ASRGL1: variants seen among roughly 807,000 people sequenced by gnomAD.
ASRGL1 encodes the protein isoaspartyl peptidase/L-asparaginase.
In ASRGL1, 16 loss-of-function variants were observed where a neutral mutation model predicts 22.4. The observed-to-expected ratio is 0.71, with a 90% CI of 0.48 to 1.08. The LOEUF is 1.08. Among genes scored for constraint, ASRGL1 ranks in the 50% least tolerant of loss-of-function variants. The pLI is 0.00. For missense variants in ASRGL1, 412 were observed against 410.1 expected (o/e 1.00, Z -0.04); for synonymous variants, 165 against 159.3 (o/e 1.04, Z -0.27).
At chr11:62,394,004 A>G (rs1947396896), downstream of ASRGL1, among the ~76,000 whole-genome samples, 1 of 145,466 alleles carries the variant, frequency 6.9e-6, no homozygotes. Flanking sequence ...ATTAGATATA[A>G]TTTATATATT....
chr11:62,375,927 C>T (rs934865594), intron 4 of ASRGL1, among the ~76,000 whole-genome samples: 2 of 151,684 alleles, frequency 1.3e-5, no homozygotes, highest in Admixed American at 6.6e-5. Context: ...CATGGTGAAA[C>T]CCCGTCTCTA....
At chr11:62,372,257 C>A (rs1946793187) in intron 4 of ASRGL1, 3 of 1,585,472 alleles carry the variant, frequency 1.9e-6, no homozygotes, top group Non-Finnish European at 2.6e-6. Flanking sequence ...ACACCTTGGC[C>A]TTGACGGAAA....
chr11:62,372,987 G>T (rs967402766), intron 4 of ASRGL1: 1 of 1,419,042 alleles, frequency 7.0e-7, no homozygotes, highest in Non-Finnish European at 1.0e-6. Flanking sequence ...GACCTTTGGG[G>T]AACTGGGCTA....
intron 2 of ASRGL1, among the ~76,000 whole-genome samples, chr11:62,345,388 C>A (rs1945991522): frequency 6.6e-6 from 1 of 152,146 alleles, no homozygotes; most frequent in South Asian, 2.1e-4. Context: ...CCTGCCTCAG[C>A]CTCCCGAGTA....
chr11:62,346,672 C>CT (rs1327173524), intron 2 of ASRGL1, among the ~76,000 whole-genome samples: 1 of 152,096 alleles, frequency 6.6e-6, no homozygotes, highest in Non-Finnish European at 1.5e-5. Flanking sequence ...TTTTCCTACA[C>CT]TTAAGATAAC....
chr11:62,380,874 T>A (rs1257334588), intron 4 of ASRGL1, among the ~76,000 whole-genome samples: 1 of 152,162 alleles, frequency 6.6e-6, no homozygotes, highest in Non-Finnish European at 1.5e-5. Flanking sequence ...CCTCAATATC[T>A]CCTTGTTTCC....
At chr11:62,354,301 T>A (rs1370183257) in intron 2 of ASRGL1, among the ~76,000 whole-genome samples, 1 of 152,178 alleles carries the variant, frequency 6.6e-6, no homozygotes, top group Non-Finnish European at 1.5e-5. Flanking sequence ...GCTCCTAGTA[T>A]ACAGTAGCCC....
rs1303253371 is a variant in ASRGL1, at chr11:62,356,355, A to G, written c.221A>G (p.Glu74Gly). 6.2e-7 allele frequency: 1 copy of G among 1,614,154 alleles called. No individual in the cohort carries two copies. The highest frequency in any genetic ancestry group is 1.7e-5 in the Admixed American group (1 of 60,028). The change falls in exon 3 of 7, where the codon GAG becomes GGG. Residue 74 changes from glutamate to glycine, a missense_variant. Physicochemically the swap from Glu to Gly is moderately conservative, Grantham distance 98. Transcript: ENST00000415229. Reference protein sequence around the residue: ...GCGSVLNTNGEVEMDASIMDG... With the variant: ...GCGSVLNTNGGVEMDASIMDG... ...GGGTCTGTCTTGAACACAAATGGTGAGGTTGAAATGGATGCTAGTATCATG... is the reference window on the plus strand; with the variant it reads ...GGGTCTGTCTTGAACACAAATGGTGGGGTTGAAATGGATGCTAGTATCATG...
intron 3 of ASRGL1, 56 bp from the exon 4 acceptor site, chr11:62,356,931 A>G: frequency 2.6e-6 from 4 of 1,540,804 alleles, no homozygotes; most frequent in East Asian, 2.3e-5. Flanking sequence ...TGGAACAGTT[A>G]AAAAGATTTA....
chr11:62,349,772 A>G (rs1367151910), intron 2 of ASRGL1, among the ~76,000 whole-genome samples: 1 of 152,224 alleles, frequency 6.6e-6, no homozygotes, highest in Non-Finnish European at 1.5e-5. Flanking sequence ...TGGCTACTCC[A>G]TAGAGCAGCC....
chr11:62,391,364 C>A, intron 5 of ASRGL1, 158 bp from the exon 6 acceptor site: 1 of 1,146,260 alleles, frequency 8.7e-7, no homozygotes, highest in Non-Finnish European at 1.2e-6. Flanking sequence ...ATGACGCTTT[C>A]TAGTCCACCT....
intron 4 of ASRGL1, among the ~76,000 whole-genome samples, chr11:62,388,914 G>T (rs1460736785): frequency 6.6e-6 from 1 of 152,138 alleles, no homozygotes; most frequent in African/African-American, 2.4e-5. Flanking sequence ...GTTGGGATTG[G>T]ATGTACTCTT....
chr11:62,394,381 G>T (rs1947406672), downstream of ASRGL1, among the ~76,000 whole-genome samples: 1 of 144,716 alleles, frequency 6.9e-6, no homozygotes, highest in Non-Finnish European at 1.5e-5. Flanking sequence ...ATTAGATTAA[G>T]GTCCACCCTA....
At chr11:62,356,863 C>T in intron 3 of ASRGL1, 124 bp from the exon 4 acceptor site, 1 of 1,238,368 alleles carries the variant, frequency 8.1e-7, no homozygotes. Flanking sequence ...AAGCAAACCA[C>T]TGGAATTTGT....
intron 4 of ASRGL1, chr11:62,371,631 C>CA (rs542427460): frequency 8.1e-4 from 528 of 651,736 alleles, no homozygotes; most frequent in East Asian, 5.0e-3. Flanking sequence ...TGGGGGCAAC[C>CA]AACTGGGACT....
chr11:62,354,586 G>A (rs575768121), intron 2 of ASRGL1, among the ~76,000 whole-genome samples: 1 of 152,278 alleles, frequency 6.6e-6, no homozygotes. Context: ...TACTGCAGCT[G>A]ATCTGCTTGG....
At chr11:62,353,983 A>T (rs1347040116) in intron 2 of ASRGL1, among the ~76,000 whole-genome samples, 1 of 152,184 alleles carries the variant, frequency 6.6e-6, no homozygotes, top group Non-Finnish European at 1.5e-5. Context: ...AAGACATTTG[A>T]TATTGGGAAA....
At chr11:62,371,173 C>G in intron 4 of ASRGL1, 1 of 1,222,980 alleles carries the variant, frequency 8.2e-7, no homozygotes, top group Non-Finnish European at 1.1e-6. Flanking sequence ...CTGGGAGGAG[C>G]TGAGCTCGGG....
At chr11:62,365,116 G>T (rs1284898680) in intron 4 of ASRGL1, among the ~76,000 whole-genome samples, 1 of 151,944 alleles carries the variant, frequency 6.6e-6, no homozygotes, top group African/African-American at 2.4e-5. Flanking sequence ...AACAATGAAT[G>T]GAATGGTAGT....
Sources: gnomAD v4.1 joint callset for allele counts (sites outside exome capture counted in the v4.1 genomes callset) on GRCh38, gnomAD v4.1.1 for gene constraint, MANE v1.5 for transcripts, NCBI Gene and HGNC (gene_info 2026-07-23, HGNC 2026-07-21) for gene names.